FMNL2: variants seen among roughly 807,000 people sequenced by gnomAD.
FMNL2 encodes the protein formin-like protein 2.
A neutral mutation model predicts 130.2 loss-of-function variants in FMNL2; 51 were observed. The observed-to-expected ratio is 0.39, with a 90% CI of 0.31 to 0.49. The LOEUF (loss-of-function observed/expected upper bound fraction) is 0.49. Among genes scored for constraint, FMNL2 ranks in the 20% least tolerant of loss-of-function variants. The pLI, the probability that FMNL2 is intolerant of heterozygous loss-of-function variation, is 0.85. For missense variants in FMNL2, 977 were observed against 1,316.2 expected, an observed-to-expected ratio of 0.74 and a Z score of 3.99; for synonymous variants, 465 against 467.1, an observed-to-expected ratio of 1.00 and a Z score of 0.06.
At chr2:152,606,155 T>A (rs1476525340) in intron 9 of FMNL2, among the ~76,000 whole-genome samples, 1 of 152,202 alleles carries the variant, frequency 6.6e-6, no homozygotes, top group Non-Finnish European at 1.5e-5. Context: ...GAAATAACAT[T>A]TTAGAAGAAT....
At chr2:152,469,499 C>T (rs1689738293) in intron 1 of FMNL2, among the ~76,000 whole-genome samples, 1 of 152,216 alleles carries the variant, frequency 6.6e-6, no homozygotes, top group Non-Finnish European at 1.5e-5. Context: ...CACCCGTCTT[C>T]TGACTCATGC....
At chr2:152,338,852 C>CACACACACACACACAT (rs1681638361) in intron 1 of FMNL2, among the ~76,000 whole-genome samples, 1 of 139,982 alleles carries the variant, frequency 7.1e-6, no homozygotes, top group Non-Finnish European at 1.6e-5. Context: ...CACACACACA[C>CACACACACACACACAT]ATATATGCAT....
intron 1 of FMNL2, among the ~76,000 whole-genome samples, chr2:152,435,145 A>G (rs901114009): frequency 3.3e-5 from 5 of 152,132 alleles, no homozygotes; most frequent in South Asian, 2.1e-4. Context: ...ATACCTGTAC[A>G]TACATGTACA....
At chr2:152,542,945 C>T in intron 3 of FMNL2, 126 bp downstream of exon 3, 1 of 939,244 alleles carries the variant, frequency 1.1e-6, no homozygotes, top group Non-Finnish European at 1.6e-6. Context: ...AAAAAACAAC[C>T]TTGGGAGACC....
chr2:152,625,086 A>G (rs780537451), intron 15 of FMNL2: 63 of 194,768 alleles, frequency 3.2e-4, no homozygotes, highest in Non-Finnish European at 5.2e-4. Context: ...ATCTAGTAAC[A>G]TGAGTAATAA....
chr2:152,436,099 G>A (rs917353695), intron 1 of FMNL2, among the ~76,000 whole-genome samples: 4 of 151,234 alleles, frequency 2.6e-5, no homozygotes, highest in Non-Finnish European at 2.9e-5. Context: ...AAAACACCAC[G>A]CGGTATTGCA....
At chr2:152,609,241 C>G (rs56001587) in intron 10 of FMNL2, among the ~76,000 whole-genome samples, 1 of 152,222 alleles carries the variant, frequency 6.6e-6, no homozygotes, top group Non-Finnish European at 1.5e-5. Context: ...TACACAAGTT[C>G]TATGTGCTAG....
chr2:152,388,364 A>G (rs1684904065), intron 1 of FMNL2, among the ~76,000 whole-genome samples: 2 of 152,188 alleles, frequency 1.3e-5, no homozygotes, highest in African/African-American at 2.4e-5. Flanking sequence ...GAAATTTACA[A>G]TCATGGTGGA....
intron 1 of FMNL2, among the ~76,000 whole-genome samples, chr2:152,375,871 C>CTATATATATATATATA (rs1296121653): frequency 7.3e-4 from 84 of 114,520 alleles, no homozygotes; most frequent in Non-Finnish European, 1.0e-3. Context: ...CTCTCTCTCT[C>CTATATATATATATATA]TCTCTCTATA....
intron 1 of FMNL2, among the ~76,000 whole-genome samples, chr2:152,399,797 T>C (rs1685588783): frequency 6.6e-6 from 1 of 152,162 alleles, no homozygotes; most frequent in Non-Finnish European, 1.5e-5. Context: ...GACCTTAATG[T>C]CTTTAATAGT....
chr2:152,568,132 A>G (rs1695956514), intron 6 of FMNL2, among the ~76,000 whole-genome samples: 1 of 152,232 alleles, frequency 6.6e-6, no homozygotes. Context: ...ATGTCTAGAA[A>G]TAAGTGTATA....
chr2:152,567,505 T>C (rs1015122402), intron 6 of FMNL2, among the ~76,000 whole-genome samples: 2 of 152,236 alleles, frequency 1.3e-5, no homozygotes, highest in Admixed American at 6.5e-5. Context: ...CTGTTTCAGC[T>C]CTATTTCTTT....
chr2:152,519,698 A>G (rs1181263874), intron 1 of FMNL2, among the ~76,000 whole-genome samples: 1 of 152,182 alleles, frequency 6.6e-6, no homozygotes, highest in African/African-American at 2.4e-5. Context: ...TCCCGGGTCT[A>G]TTTCCCTATG....
chr2:152,371,193 G>C (rs952974924), intron 1 of FMNL2, among the ~76,000 whole-genome samples: 2 of 152,202 alleles, frequency 1.3e-5, no homozygotes, highest in Non-Finnish European at 2.9e-5. Context: ...ATATTCTGCT[G>C]ATAACACAAG....
Position 152,498,243 on chromosome 2 carries a change from T to TAGC in FMNL2, c.118-23698_118-23696dup, listed in dbSNP as rs1322882070. On this transcript the variant is annotated intron_variant, in intron 1 of 25. Transcript: ENST00000288670. Reference sequence around the variant, plus strand: ...ATCTTAAAATTCACCTTTTACCATGTAGCATACTATAGGTAGAATTGCAAG... The same window carrying TAGC: ...ATCTTAAAATTCACCTTTTACCATGTAGCAGCATACTATAGGTAGAATTGCAAG... Among the ~76,000 whole-genome samples the TAGC allele has an allele frequency of 8.5e-5, 13 of 152,218 alleles. No homozygotes were observed. The South Asian group carries it at 2.5e-3, about 29-fold the overall frequency.
intron 1 of FMNL2, among the ~76,000 whole-genome samples, chr2:152,518,855 T>C (rs1692920040): frequency 6.6e-6 from 1 of 152,336 alleles, no homozygotes; most frequent in South Asian, 2.1e-4. Flanking sequence ...GCACCTATTG[T>C]TATCTTTGAA....
In FMNL2 at chr2:152,644,390, G is replaced by A. The variant is rs531715575; in HGVS notation, c.3170-3406G>A. ...TAAAGTGCAAAATGACTTGCAGAAG[G>A]AACTGTGAACTATGCACAGCTGCAA... On this transcript the variant is annotated intron_variant, in intron 25 of 25. Coordinates refer to ENST00000288670, the MANE Select transcript of FMNL2 (RefSeq NM_052905.4). Among the ~76,000 whole-genome samples the A allele has an allele frequency of 1.2e-4, 18 of 152,272 alleles. No individual in the cohort carries two copies. In the South Asian group the frequency reaches 3.5e-3, roughly 30 times the overall value.
chr2:152,511,939 G>C (rs1037693452), intron 1 of FMNL2, among the ~76,000 whole-genome samples: 3 of 152,180 alleles, frequency 2.0e-5, no homozygotes, highest in Non-Finnish European at 4.4e-5. Flanking sequence ...TTATCAAATT[G>C]AGTTTACTCT....
At chr2:152,595,498 T>C (rs1697714262) in intron 9 of FMNL2, among the ~76,000 whole-genome samples, 1 of 152,170 alleles carries the variant, frequency 6.6e-6, no homozygotes, top group Admixed American at 6.5e-5. Context: ...TTTGTATTTT[T>C]AGTAGAGACG....
Sources: allele counts gnomAD v4.1 joint callset (sites outside exome capture counted in the v4.1 genomes callset), GRCh38; gene constraint gnomAD v4.1.1; transcripts MANE v1.5; gene names NCBI Gene and HGNC (gene_info 2026-07-23, HGNC 2026-07-21).